The following FNIP2 variants were observed in gnomAD, a reference collection of about 807,000 sequenced individuals.
FNIP2 encodes the protein folliculin interacting protein 2, also known as folliculin-interacting protein 2.
In FNIP2, 32 loss-of-function variants were observed where a neutral mutation model predicts 108.7. The observed-to-expected ratio is 0.29, with a 90% CI of 0.22 to 0.40. FNIP2 has a LOEUF of 0.40. Among genes scored for constraint, FNIP2 ranks in the 10% least tolerant of loss-of-function variants. The pLI, the probability that FNIP2 is intolerant of heterozygous loss-of-function variation, is 1.00. For missense variants in FNIP2, 1,202 were observed against 1,381.6 expected (o/e 0.87, Z 2.06); for synonymous variants, 480 against 496.7 (o/e 0.97, Z 0.45).
At chr4:158,826,413 A>G (rs959513434) in intron 2 of FNIP2, among the ~76,000 whole-genome samples, 4 of 152,238 alleles carry the variant, frequency 2.6e-5, no homozygotes, top group African/African-American at 2.4e-5. Context: ...ATAAAGTGTT[A>G]GTGTGAAGAT....
rs1180944362 is a variant in FNIP2, at chr4:158,846,738, G to A, written c.728-4583G>A. On this transcript the variant is annotated intron_variant, in intron 7 of 16. Transcript: ENST00000264433. ...AAATTTTACGTGAAGAGGAGGCAGA[G>A]CAAGATGGCTGAATGGAAGCCTCCA... 3.9e-5 allele frequency among the ~76,000 whole-genome samples: 6 copies of A among 152,322 alleles called. No individual in the cohort carries two copies. In the East Asian group the frequency reaches 1.2e-3, roughly 29 times the overall value.
At chr4:158,778,781 A>T (rs1775938827) in intron 1 of FNIP2, among the ~76,000 whole-genome samples, 1 of 152,180 alleles carries the variant, frequency 6.6e-6, no homozygotes, top group Non-Finnish European at 1.5e-5. Context: ...TGTGGATAAG[A>T]GGGCACTACT....
At chr4:158,789,816 G>T (rs944863868) in intron 1 of FNIP2, among the ~76,000 whole-genome samples, 1 of 58,980 alleles carries the variant, frequency 1.7e-5, no homozygotes, top group Admixed American at 2.1e-4. Flanking sequence ...CAACTCCAAG[G>T]GTTGTGGTAG....
rs1780800128 is a variant in FNIP2, at chr4:158,869,444, T to G, written c.2792+16T>G. ...CTCTGCCAAGGTAACTCCAGCAGGCTGGGAAGTAGAGGGAACTGGGTTCAA... is the reference window on the plus strand; with the variant it reads ...CTCTGCCAAGGTAACTCCAGCAGGCGGGGAAGTAGAGGGAACTGGGTTCAA... On this transcript the variant is annotated intron_variant, in intron 13 of 16. Coordinates refer to ENST00000264433, the MANE Select transcript of FNIP2 (RefSeq NM_020840.3). 2.5e-6 allele frequency: 4 copies of G among 1,571,964 alleles called. No homozygotes were observed. The highest frequency in any genetic ancestry group is 3.4e-6 in the Non-Finnish European group (4 of 1,162,648).
At chr4:158,809,675 G>A (rs1777167202) in intron 1 of FNIP2, among the ~76,000 whole-genome samples, 1 of 152,140 alleles carries the variant, frequency 6.6e-6, no homozygotes, top group Admixed American at 6.5e-5. Flanking sequence ...GTGAATCATT[G>A]TTGCTCTGGT....
chr4:158,893,564 G>A (rs1782424825), intron 15 of FNIP2: 2 of 682,428 alleles, frequency 2.9e-6, no homozygotes, highest in East Asian at 2.7e-5. Context: ...TGGGCTTTAA[G>A]CTGAAGCGTA....
chr4:158,889,457 TTA>T (rs1402083286), intron 14 of FNIP2, among the ~76,000 whole-genome samples: 1 of 152,146 alleles, frequency 6.6e-6, no homozygotes, highest in Non-Finnish European at 1.5e-5. Flanking sequence ...ACTATATAAC[TTA>T]TAGTCTATGC....
At chr4:158,791,266 C>CTTTTTTTTTTTTTTTT (rs199714823) in intron 1 of FNIP2, among the ~76,000 whole-genome samples, 2 of 98,048 alleles carry the variant, frequency 2.0e-5, no homozygotes, top group Admixed American at 1.3e-4. Context: ...ACTGAGGATC[C>CTTTTTTTTTTTTTTTT]TTTTTTTTTT....
chr4:158,861,170 G>T (rs1428751315), intron 10 of FNIP2, among the ~76,000 whole-genome samples, 172 bp from the exon 11 acceptor site: 2 of 152,242 alleles, frequency 1.3e-5, no homozygotes, highest in African/African-American at 2.4e-5. Flanking sequence ...AAAAAAGGTG[G>T]CAGTCAGATT....
intron 14 of FNIP2, among the ~76,000 whole-genome samples, chr4:158,874,549 G>T (rs1287792304): frequency 6.7e-6 from 1 of 148,406 alleles, no homozygotes; most frequent in African/African-American, 2.5e-5. Context: ...AGCTACTCAG[G>T]AGACTGAGGC....
At chr4:158,846,269 A>G (rs1328192047) in intron 7 of FNIP2, among the ~76,000 whole-genome samples, 1 of 151,934 alleles carries the variant, frequency 6.6e-6, no homozygotes, top group Non-Finnish European at 1.5e-5. Context: ...ATTACAGAGA[A>G]TTTTCATGGA....
intron 7 of FNIP2, among the ~76,000 whole-genome samples, chr4:158,839,375 T>TA (rs58183740): frequency 5.9e-5 from 9 of 151,784 alleles, no homozygotes; most frequent in Non-Finnish European, 1.0e-4. Context: ...TTTATTTATT[T>TA]TTTGGAGACG....
rs571283919 is a variant in FNIP2, at chr4:158,808,800, A to C, written c.108-17116A>C. On this transcript the variant is annotated intron_variant, in intron 1 of 16. Coordinates refer to ENST00000264433, the MANE Select transcript of FNIP2 (RefSeq NM_020840.3). ...TTCTTAGTTGAGCACACTGACAAGC[A>C]GGGGTTTTGTTTTTTTTTCTTCTCA... The C allele has an allele frequency of 2.0e-5, 3 of 152,302 alleles. No homozygotes were observed. In the South Asian group the frequency reaches 6.2e-4, roughly 32 times the overall value. The allele number at this position is 152,302 out of a possible 1,614,324, so 9.4% of individuals were successfully genotyped here.
chr4:158,848,905 C>T (rs887905971), intron 7 of FNIP2, among the ~76,000 whole-genome samples: 50 of 152,222 alleles, frequency 3.3e-4, no homozygotes, highest in African/African-American at 1.2e-3. Context: ...GAAAACTGTC[C>T]CTTTTTATGC....
intron 1 of FNIP2, among the ~76,000 whole-genome samples, chr4:158,825,064 G>T (rs933888182): frequency 3.9e-5 from 6 of 152,184 alleles, no homozygotes; most frequent in African/African-American, 1.4e-4. Flanking sequence ...ATAAGGGTGG[G>T]GACCAGGTCT....
chr4:158,823,725 A>G (rs1407439758), intron 1 of FNIP2, among the ~76,000 whole-genome samples: 1 of 152,202 alleles, frequency 6.6e-6, no homozygotes, highest in Non-Finnish European at 1.5e-5. Flanking sequence ...ATTTTCAGAC[A>G]GGCCCTTACT....
chr4:158,896,571 C>T lies in FNIP2; in HGVS notation c.3266+706C>T, dbSNP rs551062123. On this transcript the variant is annotated intron_variant, in intron 16 of 16. Coordinates refer to ENST00000264433, the MANE Select transcript of FNIP2 (RefSeq NM_020840.3). The stretch of plus-strand genomic sequence containing the variant: ...GAGAAGAAAATATTTATAATGTCGA[C>T]GTTTAAATTATCTAAGCCTCCTAAG... Among the ~76,000 whole-genome samples, 18 of 152,244 alleles carry T rather than the reference C, an allele frequency of 1.2e-4. No homozygotes were observed. The South Asian group carries it at 3.5e-3, about 30-fold the overall frequency.
chr4:158,871,351 A>G, intron 14 of FNIP2: 3 of 980,592 alleles, frequency 3.1e-6, no homozygotes, highest in Non-Finnish European at 3.6e-6. Context: ...GAAAGTCCTC[A>G]TCGCATTAAG....
intron 3 of FNIP2, among the ~76,000 whole-genome samples, chr4:158,829,609 T>C (rs1181734206): frequency 6.6e-6 from 1 of 152,060 alleles, no homozygotes; most frequent in Non-Finnish European, 1.5e-5. Flanking sequence ...AACATACCAG[T>C]AAAAGGAAGA....
Sources: gnomAD v4.1 joint callset for allele counts (sites outside exome capture counted in the v4.1 genomes callset) on GRCh38, gnomAD v4.1.1 for gene constraint, MANE v1.5 for transcripts, NCBI Gene and HGNC (gene_info 2026-07-23, HGNC 2026-07-21) for gene names.